Variants in BBOX1 observed in about 807,000 individuals in gnomAD.
BBOX1 encodes gamma-butyrobetaine dioxygenase.
In BBOX1, 35 loss-of-function variants were observed where a neutral mutation model predicts 41.6. The observed-to-expected ratio is 0.84, with a 90% CI of 0.64 to 1.11. The LOEUF (loss-of-function observed/expected upper bound fraction) is 1.11. Among genes scored for constraint, BBOX1 ranks in the 50% most tolerant of loss-of-function variants. The pLI, the probability that BBOX1 is intolerant of heterozygous loss-of-function variation, is 0.00. For synonymous variants in BBOX1, 163 were observed against 154.7 expected (o/e 1.05, Z -0.40); for missense variants, 458 against 460.6 (o/e 0.99, Z 0.05).
At chr11:27,054,238 T>TGC (rs1554935085) in intron 2 of BBOX1, among the ~76,000 whole-genome samples, 1 of 139,076 alleles carries the variant, frequency 7.2e-6, no homozygotes, top group Non-Finnish European at 1.6e-5. Flanking sequence ...TGTGTGTGCG[T>TGC]GCACATGTGT....
In BBOX1 at chr11:27,091,440, T is replaced by C. The variant is rs181288824; in HGVS notation, c.335-1728T>C. Among the ~76,000 whole-genome samples, 166 of 151,978 alleles carry C rather than the reference T, an allele frequency of 1.1e-3. 1 individual carries two copies. Among genetic ancestry groups the C allele is most frequent in the Non-Finnish European group, 2.1e-3 (145 of 67,910 alleles). ...AATCAAGAAATACCAATAAACTGTA[T>C]CAAACCATCCTTCCTCCCTCCCCCA... On this transcript the variant is annotated intron_variant, in intron 4 of 8. Transcript: ENST00000263182.
intron 2 of BBOX1, among the ~76,000 whole-genome samples, chr11:27,054,189 CTGTGTGTGTGTGTGTCTGTGTGTG>C (rs1564953501): frequency 8.5e-6 from 1 of 117,982 alleles, no homozygotes; most frequent in African/African-American, 3.1e-5. Flanking sequence ...ATTTTATAAG[CTGTGTGTGTGTGTGTCTGTGTGTG>C]TGTGTGTGTG....
At chr11:27,120,849 A>T (rs1041952110) in intron 7 of BBOX1, among the ~76,000 whole-genome samples, 2 of 152,248 alleles carry the variant, frequency 1.3e-5, no homozygotes. Context: ...CATTCAACAA[A>T]TATTTATTGA....
At chr11:27,062,989 C>A (rs1181126805) in intron 4 of BBOX1, 2 of 152,252 alleles carry the variant, frequency 1.3e-5, no homozygotes, top group Non-Finnish European at 2.9e-5. Flanking sequence ...TTGATCGTGG[C>A]TCTGAGTTTG....
chr11:27,111,390 G>T (rs1299828464), intron 5 of BBOX1, among the ~76,000 whole-genome samples: 1 of 151,828 alleles, frequency 6.6e-6, no homozygotes, highest in Non-Finnish European at 1.5e-5. Flanking sequence ...TTACCCATTG[G>T]GTACTATGCT....
At chr11:27,053,152 TCTC>T (rs1369178069) in intron 2 of BBOX1, among the ~76,000 whole-genome samples, 1 of 152,228 alleles carries the variant, frequency 6.6e-6, no homozygotes. Context: ...ATAATTGTCT[TCTC>T]CTGGTTGTCT....
At chr11:27,091,761 T>C (rs768201234) in intron 4 of BBOX1, among the ~76,000 whole-genome samples, 1 of 151,936 alleles carries the variant, frequency 6.6e-6, no homozygotes, top group Non-Finnish European at 1.5e-5. Context: ...TCAGAGATGA[T>C]ACAGTAAGTC....
chr11:27,046,704 CTAGGAGCTATATA>C (rs1851497675), intron 2 of BBOX1, among the ~76,000 whole-genome samples: 1 of 152,000 alleles, frequency 6.6e-6, no homozygotes, highest in South Asian at 2.1e-4. Context: ...TCCTATATAG[CTAGGAGCTATATA>C]TAGGAGCTAT....
chr11:27,074,823 C>G (rs1008779501), intron 4 of BBOX1, among the ~76,000 whole-genome samples: 2 of 152,188 alleles, frequency 1.3e-5, no homozygotes, highest in Non-Finnish European at 2.9e-5. Context: ...TCCTTTGACT[C>G]CATATCTCCC....
intron 4 of BBOX1, among the ~76,000 whole-genome samples, chr11:27,078,663 C>A: frequency 6.6e-6 from 1 of 152,264 alleles, no homozygotes; most frequent in African/African-American, 2.4e-5. Context: ...AGGAACATCA[C>A]ACACATACAC....
chr11:27,044,028 CA>C (rs1346763499), intron 2 of BBOX1, among the ~76,000 whole-genome samples: 1 of 152,140 alleles, frequency 6.6e-6, no homozygotes, highest in African/African-American at 2.4e-5. Context: ...CACTGTCTTC[CA>C]CAATGTTTGA....
intron 5 of BBOX1, among the ~76,000 whole-genome samples, chr11:27,094,428 G>A (rs1858364155): frequency 1.3e-5 from 2 of 151,962 alleles, no homozygotes; most frequent in African/African-American, 4.8e-5. Flanking sequence ...CCCACATGAT[G>A]TTGAAAGAAA....
intron 5 of BBOX1, among the ~76,000 whole-genome samples, chr11:27,097,476 A>G (rs1858481216): frequency 6.6e-6 from 1 of 152,088 alleles, no homozygotes; most frequent in Non-Finnish European, 1.5e-5. Flanking sequence ...TTGAATACTA[A>G]TAATACGTGC....
chr11:27,075,725 C>A (rs1857610333), intron 4 of BBOX1, among the ~76,000 whole-genome samples: 1 of 152,200 alleles, frequency 6.6e-6, no homozygotes, highest in African/African-American at 2.4e-5. Flanking sequence ...TGTGACTCTA[C>A]CCCTCAGGCA....
At chr11:27,097,940 C>T (rs1486665843) in intron 5 of BBOX1, among the ~76,000 whole-genome samples, 1 of 151,994 alleles carries the variant, frequency 6.6e-6, no homozygotes. Flanking sequence ...GCTAATCCAA[C>T]TCAGACACAT....
At chr11:27,054,234 T>TGTGTGTGTGTGTGTGTGC (rs1491475061) in intron 2 of BBOX1, among the ~76,000 whole-genome samples, 8,020 of 148,174 alleles carry the variant, frequency 0.054, 252 homozygotes, top group Non-Finnish European at 0.072. Flanking sequence ...TGTGTGTGTG[T>TGTGTGTGTGTGTGTGTGC]GCGTGCACAT....
intron 4 of BBOX1, among the ~76,000 whole-genome samples, chr11:27,083,686 A>T (rs914706331): frequency 6.6e-6 from 1 of 152,152 alleles, no homozygotes; most frequent in Admixed American, 6.6e-5. Context: ...AGCACTTGCC[A>T]AAATTTTTAT....
chr11:27,104,623 C>T (rs1858793934), intron 5 of BBOX1, among the ~76,000 whole-genome samples: 1 of 152,104 alleles, frequency 6.6e-6, no homozygotes, highest in Non-Finnish European at 1.5e-5. Context: ...AGGTTATCTT[C>T]GTTTCTCTAG....
chr11:27,066,725 G>A (rs963447904), intron 4 of BBOX1: 3 of 149,934 alleles, frequency 2.0e-5, no homozygotes, highest in Non-Finnish European at 4.4e-5. Context: ...TGATGTTTAC[G>A]TTCATACATA....
Sources: allele counts gnomAD v4.1 joint callset (sites outside exome capture counted in the v4.1 genomes callset), GRCh38; gene constraint gnomAD v4.1.1; transcripts MANE v1.5; gene names NCBI Gene and HGNC (gene_info 2026-07-23, HGNC 2026-07-21).